Variants in KCTD8 observed in about 807,000 individuals in gnomAD.
KCTD8 encodes BTB/POZ domain-containing protein KCTD8.
Under a neutral mutation model 31.5 loss-of-function variants are expected in KCTD8, and 27 were observed. That is an observed-to-expected ratio of 0.86 (90% CI 0.63 to 1.18). The LOEUF is 1.18. Among genes scored for constraint, KCTD8 ranks in the 50% most tolerant of loss-of-function variants. The probability of loss-of-function intolerance (pLI) is 0.00; values close to 1 mark genes in which losing one functional copy is unlikely to be tolerated. For synonymous variants in KCTD8, 290 were observed against 280.0 expected (o/e 1.04, Z -0.36); for missense variants, 658 against 647.7 (o/e 1.02, Z -0.17).
In KCTD8 at chr4:44,253,177, T is replaced by C. The variant is rs191446329; in HGVS notation, c.962-77927A>G. Among the ~76,000 whole-genome samples the C allele has an allele frequency of 1.1e-3, 168 of 151,962 alleles. 2 individuals carry two copies. The highest frequency in any genetic ancestry group is 5.7e-4 in the Non-Finnish European group (39 of 67,834). On this transcript the variant is annotated intron_variant, in intron 1 of 1. Coordinates refer to ENST00000360029, the MANE Select transcript of KCTD8 (RefSeq NM_198353.3). ...ACTAGAGGTTTACCGTTCATTAGTC[T>C]TTCCATAAAATCAGTTTTAGTTTTG...
chr4:44,369,685 T>A (rs1161419758), intron 1 of KCTD8, among the ~76,000 whole-genome samples: 1 of 152,036 alleles, frequency 6.6e-6, no homozygotes, highest in Non-Finnish European at 1.5e-5. Context: ...CAGACCCAGC[T>A]ACCTGAGAGG....
intron 1 of KCTD8, among the ~76,000 whole-genome samples, chr4:44,254,768 A>G (rs1715945205): frequency 6.6e-6 from 1 of 151,758 alleles, no homozygotes; most frequent in African/African-American, 2.4e-5. Flanking sequence ...CTATTTTCCA[A>G]TGTCTTCCAG....
rs1721375178 is a variant in KCTD8, at chr4:44,427,385, T to C, written c.961+20178A>G. ...TATTACTATAAATCCTAGCAAGTTC[T>C]ATAAAGAAAAAAGAAAGAAAAAGTG... On this transcript the variant is annotated intron_variant, in intron 1 of 1. Transcript: ENST00000360029. Among the ~76,000 whole-genome samples, 5 of 151,020 alleles carry C rather than the reference T, an allele frequency of 3.3e-5. No individual in the cohort carries two copies. The South Asian group carries it at 1.0e-3, about 31-fold the overall frequency.
At chr4:44,248,809 C>T (rs1005283272) in intron 1 of KCTD8, among the ~76,000 whole-genome samples, 1 of 151,806 alleles carries the variant, frequency 6.6e-6, no homozygotes, top group African/African-American at 2.4e-5. Context: ...GACCAAGTTG[C>T]CATCAGCCTG....
intron 1 of KCTD8, among the ~76,000 whole-genome samples, chr4:44,368,854 A>T (rs191304331): frequency 6.6e-6 from 1 of 152,338 alleles, no homozygotes; most frequent in Admixed American, 6.5e-5. Flanking sequence ...TCATTAAGAA[A>T]ATACACTTTC....
chr4:44,211,843 T>G (rs183708928), intron 1 of KCTD8, among the ~76,000 whole-genome samples: 1 of 152,248 alleles, frequency 6.6e-6, no homozygotes, highest in East Asian at 1.9e-4. Flanking sequence ...TATTTGTATA[T>G]TTTGTATGAT....
intron 1 of KCTD8, among the ~76,000 whole-genome samples, chr4:44,203,848 T>C (rs2109340444): frequency 6.6e-6 from 1 of 151,600 alleles, no homozygotes; most frequent in Admixed American, 6.6e-5. Flanking sequence ...TGTTCTGAAA[T>C]ATATAAATTA....
intron 1 of KCTD8, among the ~76,000 whole-genome samples, chr4:44,410,179 T>C (rs1720919930): frequency 6.6e-6 from 1 of 152,206 alleles, no homozygotes; most frequent in South Asian, 2.1e-4. Flanking sequence ...AATACTTAGA[T>C]ACTTTGAGAA....
At chr4:44,248,658 C>A (rs1715736880) in intron 1 of KCTD8, among the ~76,000 whole-genome samples, 1 of 151,774 alleles carries the variant, frequency 6.6e-6, no homozygotes, top group Admixed American at 6.6e-5. Flanking sequence ...GGCCATAAGA[C>A]CAAATTATCT....
At chr4:44,283,701 A>G (rs1217706444) in intron 1 of KCTD8, among the ~76,000 whole-genome samples, 1 of 152,158 alleles carries the variant, frequency 6.6e-6, no homozygotes, top group Non-Finnish European at 1.5e-5. Context: ...TTACTGCTTG[A>G]TGACATTATT....
At chr4:44,333,126 A>C (rs62304850) in intron 1 of KCTD8, among the ~76,000 whole-genome samples, 1 of 152,072 alleles carries the variant, frequency 6.6e-6, no homozygotes, top group Non-Finnish European at 1.5e-5. Context: ...CCTTCATTAT[A>C]ATCATAGGGA....
chr4:44,184,267 T>C (rs1269204191), intron 1 of KCTD8, among the ~76,000 whole-genome samples: 2 of 152,206 alleles, frequency 1.3e-5, no homozygotes, highest in Non-Finnish European at 2.9e-5. Context: ...ACTGCCATGC[T>C]ACATTGAAAC....
intron 1 of KCTD8, among the ~76,000 whole-genome samples, chr4:44,203,795 TA>T (rs1714220877): frequency 6.6e-6 from 1 of 151,762 alleles, no homozygotes; most frequent in Admixed American, 6.6e-5. Context: ...ATGAGAACGA[TA>T]TAATATTAAT....
chr4:44,415,111 C>G (rs574769321), intron 1 of KCTD8, among the ~76,000 whole-genome samples: 2 of 152,226 alleles, frequency 1.3e-5, no homozygotes, highest in East Asian at 3.9e-4. Context: ...ATGTTATGCC[C>G]TAGCAAAAAA....
At position 44,421,760 on chromosome 4, in the gene KCTD8, T is replaced by A. The variant is rs191712137; in HGVS notation, c.961+25803A>T. 4.7e-4 allele frequency among the ~76,000 whole-genome samples: 71 copies of A among 152,126 alleles called. 1 individual carries two copies. The East Asian group carries it at 0.013, about 27-fold the overall frequency. ...TTATAACAGACAAAATCCTTGGAAATAATGGGGAAAAGAACCATGCAACAT... is the reference window on the plus strand; with the variant it reads ...TTATAACAGACAAAATCCTTGGAAAAAATGGGGAAAAGAACCATGCAACAT... On this transcript the variant is annotated intron_variant, in intron 1 of 1. Coordinates refer to ENST00000360029, the MANE Select transcript of KCTD8 (RefSeq NM_198353.3).
At position 44,266,322 on chromosome 4, in the gene KCTD8, A is replaced by C. The variant is rs970283554; in HGVS notation, c.962-91072T>G. ...TTCATAAGTGAAGGAGAAATAAAAT[A>C]CTTTACAGACAAGCAAATGCTGAGA... On this transcript the variant is annotated intron_variant, in intron 1 of 1. Coordinates refer to ENST00000360029, the MANE Select transcript of KCTD8 (RefSeq NM_198353.3). Among the ~76,000 whole-genome samples the C allele has an allele frequency of 1.1e-4, 16 of 151,848 alleles. No individual in the cohort carries two copies. In the South Asian group the frequency reaches 2.5e-3, roughly 24 times the overall value.
chr4:44,405,352 T>C (rs1343382192), intron 1 of KCTD8, among the ~76,000 whole-genome samples: 1 of 152,030 alleles, frequency 6.6e-6, no homozygotes, highest in Non-Finnish European at 1.5e-5. Context: ...TGGCCTCCTG[T>C]GTTCAAGGGA....
At chr4:44,254,107 G>T (rs923286016) in intron 1 of KCTD8, among the ~76,000 whole-genome samples, 1 of 151,896 alleles carries the variant, frequency 6.6e-6, no homozygotes, top group African/African-American at 2.4e-5. Context: ...TGGCTAAGAA[G>T]ATTTCCATGC....
intron 1 of KCTD8, among the ~76,000 whole-genome samples, chr4:44,188,819 C>T (rs1036836298): frequency 3.9e-5 from 6 of 152,122 alleles, no homozygotes; most frequent in East Asian, 1.9e-4. Context: ...AAACAAGCAA[C>T]AAATTTTTCC....
Sources: gnomAD v4.1 joint callset for allele counts (sites outside exome capture counted in the v4.1 genomes callset) on GRCh38, gnomAD v4.1.1 for gene constraint, MANE v1.5 for transcripts, NCBI Gene and HGNC (gene_info 2026-07-23, HGNC 2026-07-21) for gene names.